The following CEP63 variants were observed in gnomAD, a reference collection of about 807,000 sequenced individuals.
CEP63 encodes the protein centrosomal protein 63.
In CEP63, 84 loss-of-function variants were observed where a neutral mutation model predicts 89.1. The observed-to-expected ratio is 0.94, with a 90% confidence interval of 0.79 to 1.13. The LOEUF is 1.13. CEP63 is among the 50% of genes most tolerant of loss of function. The pLI is 0.00. For missense variants in CEP63, 838 were observed against 813.3 expected (o/e 1.03, Z -0.37); for synonymous variants, 267 against 272.5 (o/e 0.98, Z 0.20).
the CEP63 span, chr3:134,643,371 C>G: frequency 6.2e-7 from 1 of 1,613,862 alleles, no homozygotes; most frequent in Non-Finnish European, 8.5e-7. Context: ...GCTTCTCCAC[C>G]AAGTTTTCTA....
the CEP63 span, among the ~76,000 whole-genome samples, chr3:134,737,245 G>T: frequency 6.6e-6 from 1 of 152,282 alleles, no homozygotes; most frequent in East Asian, 1.9e-4. Flanking sequence ...GGTTGGGAAG[G>T]ATTCCTGATG....
At chr3:134,591,228 A>G (rs1958589978), downstream of CEP63, among the ~76,000 whole-genome samples, 1 of 152,194 alleles carries the variant, frequency 6.6e-6, no homozygotes, top group Admixed American at 6.5e-5. Context: ...CACTTCCAGC[A>G]TTGCTAGTGT....
intron 3 of CEP63, among the ~76,000 whole-genome samples, chr3:134,522,494 G>A (rs1947685766): frequency 1.3e-5 from 2 of 152,060 alleles, no homozygotes; most frequent in African/African-American, 4.8e-5. Context: ...TTTAAATTCA[G>A]GGGTACATGT....
At chr3:134,713,966 G>A in the CEP63 span, among the ~76,000 whole-genome samples, 1 of 152,204 alleles carries the variant, frequency 6.6e-6, no homozygotes, top group African/African-American at 2.4e-5. Context: ...GGCTGGATCC[G>A]CTGTGTGCTG....
the CEP63 span, among the ~76,000 whole-genome samples, chr3:134,763,660 C>A: frequency 6.6e-6 from 1 of 152,200 alleles, no homozygotes; most frequent in Non-Finnish European, 1.5e-5. Flanking sequence ...GAATATTCCT[C>A]CAATGCACGT....
chr3:134,555,162 T>G (rs1369000026), intron 12 of CEP63, among the ~76,000 whole-genome samples: 2 of 151,098 alleles, frequency 1.3e-5, no homozygotes, highest in Non-Finnish European at 3.0e-5. Context: ...CCACAGCCAA[T>G]ATCATACTGA....
chr3:134,490,797 A>G (rs1937355075), intron 1 of CEP63, among the ~76,000 whole-genome samples: 1 of 152,118 alleles, frequency 6.6e-6, no homozygotes, highest in Non-Finnish European at 1.5e-5. Context: ...ATCTACATGG[A>G]CAAACATACC....
At chr3:134,648,833 C>A in the CEP63 span, among the ~76,000 whole-genome samples, 1 of 152,188 alleles carries the variant, frequency 6.6e-6, no homozygotes, top group African/African-American at 2.4e-5. Flanking sequence ...TGACATGGAG[C>A]CTAGGCCCTC....
At chr3:134,518,608 G>A (rs1576988060) in intron 3 of CEP63, among the ~76,000 whole-genome samples, 1 of 152,156 alleles carries the variant, frequency 6.6e-6, no homozygotes, top group South Asian at 2.1e-4. Context: ...AATATGGTAC[G>A]TATCAAAACT....
At chr3:134,531,705 A>G (rs1160491668) in intron 3 of CEP63, 140 bp from the exon 4 acceptor site, 2 of 645,852 alleles carry the variant, frequency 3.1e-6, no homozygotes, top group Non-Finnish European at 5.5e-6. Context: ...TTGACTTCCT[A>G]AGAAGTGGGG....
At chr3:134,698,464 C>T in the CEP63 span, among the ~76,000 whole-genome samples, 5 of 152,186 alleles carry the variant, frequency 3.3e-5, no homozygotes, top group African/African-American at 4.8e-5. Context: ...GAGGGGCTGC[C>T]GTCTCCATCC....
the CEP63 span, among the ~76,000 whole-genome samples, chr3:134,730,083 T>C: frequency 1.4e-4 from 22 of 152,264 alleles, no homozygotes; most frequent in South Asian, 6.2e-4. Flanking sequence ...TTCCTGGCAC[T>C]CTCCAGTGAA....
chr3:134,553,986 G>A (rs923019187), intron 12 of CEP63, among the ~76,000 whole-genome samples: 1 of 152,162 alleles, frequency 6.6e-6, no homozygotes, highest in Non-Finnish European at 1.5e-5. Flanking sequence ...GTCATTGAAG[G>A]TGGCAGATGA....
chr3:134,535,062 A>G (rs1176844537), intron 5 of CEP63, among the ~76,000 whole-genome samples: 1 of 151,678 alleles, frequency 6.6e-6, no homozygotes, highest in African/African-American at 2.4e-5. Context: ...TTTTTTCTCT[A>G]CTGGATATTT....
chr3:134,750,021 G>A, the CEP63 span, among the ~76,000 whole-genome samples: 16 of 152,196 alleles, frequency 1.1e-4, no homozygotes, highest in Non-Finnish European at 1.5e-5. Flanking sequence ...AGCAAGGGGC[G>A]CTAGTAAGCA....
chr3:134,587,900 G>A (rs192107165), downstream of CEP63, among the ~76,000 whole-genome samples: 2 of 151,880 alleles, frequency 1.3e-5, no homozygotes, highest in East Asian at 3.9e-4. Flanking sequence ...AAGTAAAGAT[G>A]TAAGAGATTT....
the CEP63 span, among the ~76,000 whole-genome samples, chr3:134,720,845 CT>C: frequency 6.6e-6 from 1 of 152,026 alleles, no homozygotes; most frequent in Non-Finnish European, 1.5e-5. Flanking sequence ...TCTGTTTGTC[CT>C]TATGCCAGTA....
intron 6 of CEP63, among the ~76,000 whole-genome samples, chr3:134,540,906 T>C (rs1379020686): frequency 6.6e-6 from 1 of 151,894 alleles, no homozygotes; most frequent in Non-Finnish European, 1.5e-5. Context: ...CTCAGCCTCC[T>C]GAGTAGCTGG....
the CEP63 span, chr3:134,629,454 A>C: frequency 1.7e-6 from 1 of 580,416 alleles, no homozygotes; most frequent in East Asian, 2.8e-5. Context: ...GTGTAGAGAA[A>C]AGAGTCTCCC....
Sources: gnomAD v4.1 joint callset for allele counts (sites outside exome capture counted in the v4.1 genomes callset) on GRCh38, gnomAD v4.1.1 for gene constraint, MANE v1.5 for transcripts, NCBI Gene and HGNC (gene_info 2026-07-23, HGNC 2026-07-21) for gene names.